Variants in SBK3 observed in about 807,000 individuals in gnomAD.
SBK3 encodes SH3 domain binding kinase family member 3.
A neutral mutation model predicts 12.7 loss-of-function variants in SBK3; 16 were observed. The observed-to-expected ratio is 1.26, with a 90% CI of 0.86 to 1.92. SBK3 has a LOEUF of 1.92. Among genes scored for constraint, SBK3 ranks in the 40% most tolerant of loss-of-function variants. SBK3 has a pLI of 0.00. For synonymous variants in SBK3, 217 were observed against 213.6 expected (o/e 1.02, Z -0.14); for missense variants, 462 against 481.8 (o/e 0.96, Z 0.38).
intron 3 of SBK3, 89 bp downstream of exon 3, chr19:55,544,011 T>G: frequency 8.7e-7 from 1 of 1,155,270 alleles, no homozygotes. Context: ...GGGCCCTGAT[T>G]TGGGGTCAGA....
At chr19:55,543,207 A>C (rs1599950032) in intron 3 of SBK3, among the ~76,000 whole-genome samples, 3 of 44,240 alleles carry the variant, frequency 6.8e-5, no homozygotes, top group Non-Finnish European at 1.3e-4. Context: ...CCATCCATCC[A>C]CCATCCATCC....
In SBK3 at chr19:55,541,488, C is replaced by T; in HGVS notation, c.438G>A (p.Gln146=). 8 of 1,526,894 alleles carry T rather than the reference C, an allele frequency of 5.2e-6. No homozygotes were observed. Among genetic ancestry groups the T allele is most frequent in the Non-Finnish European group, 6.1e-6 (7 of 1,140,348 alleles). The allele number at this position is 1,526,894 out of a possible 1,614,324, so 94.6% of individuals were successfully genotyped here. A position where few individuals can be genotyped will look rare whatever the true frequency, so the allele number is the denominator to read the frequency against. The stretch of plus-strand genomic sequence containing the variant: ...GGAGGAAGTCCAGAGCTCCTGCCAA[C>T]TGGGCCACCACCCGCTTCACCAGCA... The part of the protein sequence containing the change: ...PELLVKRVVA[Q]LAGALDFLHS... The change falls in exon 4 of 4, where the codon CAG becomes CAA. Residue 146 remains glutamine, a synonymous_variant. Coordinates refer to ENST00000612221, the MANE Select transcript of SBK3 (RefSeq NM_001199824.2). This position sits in a 1 kb window ranked among gnomAD's most constrained non-coding sequence, Gnocchi z 5.3.
In SBK3 at chr19:55,540,906, T is replaced by C; in HGVS notation, c.1020A>G (p.Thr340=). ...CACTTTTGCTGTCATCACCCTCATC[T>C]GTCCACTCCTCCAGGCTTGAGCCTC... ...EEGGSSLEEW[T]DEGDDSKSGG... The change falls in exon 4 of 4, where the codon ACA becomes ACG. Residue 340 remains threonine (T), a synonymous_variant. Coordinates refer to ENST00000612221, the MANE Select transcript of SBK3 (RefSeq NM_001199824.2). 9 of 1,536,220 alleles carry C rather than the reference T, an allele frequency of 5.9e-6. No individual in the cohort carries two copies. Among genetic ancestry groups the C allele is most frequent in the Non-Finnish European group, 7.8e-6 (9 of 1,146,912 alleles).
chr19:55,541,393 C>A lies in SBK3; in HGVS notation c.533G>T (p.Arg178Leu), dbSNP rs547235333. The change falls in exon 4 of 4, where the codon CGT (arginine) becomes CTT (leucine). Residue 178 changes from arginine to leucine, a missense_variant. Physicochemically the swap from Arg to Leu is moderately radical, Grantham distance 102 (BLOSUM62 -2). Transcript: ENST00000612221. This position sits in a 1 kb window ranked among gnomAD's most constrained non-coding sequence, Gnocchi z 5.3. ...CAGACCCAGGTCTCCCAGGGCCACACGGCTGCAGACCGGGTCGAAGACCAG... is the reference window on the plus strand; with the variant it reads ...CAGACCCAGGTCTCCCAGGGCCACAAGGCTGCAGACCGGGTCGAAGACCAG... ...NVLVFDPVCSRVALGDLGLTR... is the reference protein window; with the variant it reads ...NVLVFDPVCSLVALGDLGLTR... The A allele has an allele frequency of 1.4e-4, 218 of 1,535,810 alleles. 3 individuals carry two copies. The South Asian group carries it at 2.5e-3, about 18-fold the overall frequency.
Position 55,541,268 on chromosome 19 carries a change from G to T in SBK3, c.658C>A (p.Arg220=), listed in dbSNP as rs770378082. 2 of 1,535,892 alleles carry T rather than the reference G, an allele frequency of 1.3e-6. No homozygotes were observed. Among genetic ancestry groups the T allele is most frequent in the African/African-American group, 2.7e-5 (2 of 73,166 alleles). ...LLLPPDTLPL[R]PAVDSWGLGV... Reference sequence around the variant, plus strand: ...AGGCCCCAGGAGTCCACGGCTGGCCGCAGAGGCAGGGTGTCGGGCGGTAGC... The same window carrying T: ...AGGCCCCAGGAGTCCACGGCTGGCCTCAGAGGCAGGGTGTCGGGCGGTAGC... Residue 220 remains arginine, a synonymous_variant, in exon 4 of 4, where the codon CGG becomes AGG. Transcript: ENST00000612221. This position sits in a 1 kb window ranked among gnomAD's most constrained non-coding sequence, Gnocchi z 5.3.
chr19:55,545,506 T>A lies in SBK3; in HGVS notation c.38A>T (p.Asp13Val). The A allele has an allele frequency of 6.5e-7, 1 of 1,534,374 alleles. No individual in the cohort carries two copies. The highest frequency in any genetic ancestry group is 8.7e-7 in the Non-Finnish European group (1 of 1,145,914). Residue 13 changes from aspartate to valine, a missense_variant, in exon 1 of 4, where the codon GAC becomes GTC. Physicochemically the swap from Asp to Val is radical, Grantham distance 152. Transcript: ENST00000612221. The surrounding 1 kb of genome is among the most constrained non-coding windows in gnomAD (Gnocchi z 4.4). ...RRASETPEDGDPEEDTATALQ... is the reference protein window; with the variant it reads ...RRASETPEDGVPEEDTATALQ... Reference sequence around the variant, plus strand: ...CTGGCTCCCGTCTCTCACCTCTGGGTCCCCATCCTCAGGGGTCTCGGAGGC... The same window carrying A: ...CTGGCTCCCGTCTCTCACCTCTGGGACCCCATCCTCAGGGGTCTCGGAGGC...
chr19:55,544,753 TATTGTGGGGCA>T, intron 2 of SBK3, 35 bp downstream of exon 2: 2 of 1,440,672 alleles, frequency 1.4e-6, no homozygotes, highest in Non-Finnish European at 1.8e-6. Flanking sequence ...CGAGAATGCT[TATTGTGGGGCA>T]GTTGGGGAGG....
rs2123494802 is a variant in SBK3 at position 55,544,803 on chromosome 19, C to G, written c.192G>C (p.Gln64His). 6.6e-7 allele frequency: 1 copy of G among 1,507,436 alleles called. No homozygotes were observed. The highest frequency in any genetic ancestry group is 8.8e-7 in the Non-Finnish European group (1 of 1,133,252). The allele number at this position is 1,507,436 out of a possible 1,614,324, so 93.4% of individuals were successfully genotyped here. The change falls in exon 2 of 4, where the codon CAG becomes CAC. Residue 64 changes from glutamine to histidine, a missense_variant. By Grantham distance (24) the Gln-to-His change is conservative (BLOSUM62 0). Coordinates refer to ENST00000612221, the MANE Select transcript of SBK3 (RefSeq NM_001199824.2). ...CCCTTGGGTGGCTGAACTCACCCCCCTGGTGAGGCTGGGCAAGGAGCACGC... is the reference window on the plus strand; with the variant it reads ...CCCTTGGGTGGCTGAACTCACCCCCGTGGTGAGGCTGGGCAAGGAGCACGC... ...YGRVLLAQPH[Q>H]GGPAVALKLL...
In SBK3 at chr19:55,545,489, C is replaced by T. The variant is rs1335416163; in HGVS notation, c.45+10G>A. 4.6e-6 allele frequency: 7 copies of T among 1,530,846 alleles called. No homozygotes were observed. Among genetic ancestry groups the T allele is most frequent in the Admixed American group, 2.0e-5 (1 of 50,798 alleles). The allele number at this position is 1,530,846 out of a possible 1,614,324, so 94.8% of individuals were successfully genotyped here. ...CTCTCTGTCTTCCTCCCCTGGCTCCCGTCTCTCACCTCTGGGTCCCCATCC... is the reference window on the plus strand; with the variant it reads ...CTCTCTGTCTTCCTCCCCTGGCTCCTGTCTCTCACCTCTGGGTCCCCATCC... On this transcript the variant is annotated intron_variant, in intron 1 of 3. Transcript: ENST00000612221. This position sits in a 1 kb window ranked among gnomAD's most constrained non-coding sequence, Gnocchi z 4.4.
rs771943005 is a variant in SBK3 at position 55,544,869 on chromosome 19, C to A, written c.126G>T (p.Gln42His). The change falls in exon 2 of 4, where the codon CAG (glutamine) becomes CAT (histidine). Residue 42 changes from glutamine (Q) to histidine (H), a missense_variant. Gln to His is a conservative substitution (Grantham distance 24). Transcript: ENST00000612221. ...AGCCCAGCTTCCGGATGAGGTGGTACTGGTCCCGAAGGCTCCTCACCGGGG... is the reference window on the plus strand; with the variant it reads ...AGCCCAGCTTCCGGATGAGGTGGTAATGGTCCCGAAGGCTCCTCACCGGGG... ...RVTPVRSLRD[Q>H]YHLIRKLGSG... 6.5e-7 allele frequency: 1 copy of A among 1,534,338 alleles called. No individual in the cohort carries two copies.
Position 55,544,219 on chromosome 19 carries a change from C to T in SBK3, c.280G>A (p.Val94Ile), listed in dbSNP as rs905915518. 4.7e-5 allele frequency: 72 copies of T among 1,535,910 alleles called. No homozygotes were observed. Among genetic ancestry groups the T allele is most frequent in the Non-Finnish European group, 5.8e-5 (67 of 1,146,888 alleles). Residue 94 changes from valine (V) to isoleucine (I), a missense_variant, in exon 3 of 4, where the codon GTC (valine) becomes ATC (isoleucine). By Grantham distance (29) the Val-to-Ile change is conservative (BLOSUM62 3). Transcript: ENST00000612221. ...FLREFCVGRC[V>I]SAHPGLLQTL... The stretch of plus-strand genomic sequence containing the variant: ...TGCAGCAGGCCTGGGTGTGCAGAGA[C>T]GCAGCGGCCCACACAGAACTCCCTC...
Position 55,545,055 on chromosome 19 carries a change from CAG to C in SBK3, c.46-108_46-107del. The C allele has an allele frequency of 1.2e-6, 1 of 831,352 alleles. No individual in the cohort carries two copies. The highest frequency in any genetic ancestry group is 1.8e-6 in the Non-Finnish European group (1 of 547,256). 51.5% of individuals were successfully genotyped at this position (831,352 alleles called of 1,614,324 possible). The stretch of plus-strand genomic sequence containing the variant: ...CCAGGATGGAGGGTGGGGCAGGGGA[CAG>C]GGGTCACTGTCCCCAGAGAGGAGGA... On this transcript the variant is annotated intron_variant, in intron 1 of 3. Transcript: ENST00000612221. The surrounding 1 kb of genome is among the most constrained non-coding windows in gnomAD (Gnocchi z 4.4).
At position 55,545,201 on chromosome 19, in the gene SBK3, A is replaced by G. The variant is rs1301759235; in HGVS notation, c.46-252T>C. The G allele has an allele frequency of 8.6e-6, 5 of 580,872 alleles. No individual in the cohort carries two copies. The highest frequency in any genetic ancestry group is 2.1e-5 in the South Asian group (1 of 47,082). The allele number at this position is 580,872 out of a possible 1,614,324, so 36.0% of individuals were successfully genotyped here. A position where few individuals can be genotyped will look rare whatever the true frequency, so the allele number is the denominator to read the frequency against. On this transcript the variant is annotated intron_variant, in intron 1 of 3. Coordinates refer to ENST00000612221, the MANE Select transcript of SBK3 (RefSeq NM_001199824.2). This position sits in a 1 kb window ranked among gnomAD's most constrained non-coding sequence, Gnocchi z 4.4. Reference sequence around the variant, plus strand: ...CTGTGGGAGCAGGCCAGGAGCCCCCAGCCCCGAGTGGGGGTGCATCCTCAG... The same window carrying G: ...CTGTGGGAGCAGGCCAGGAGCCCCCGGCCCCGAGTGGGGGTGCATCCTCAG...
Position 55,545,409 on chromosome 19 carries a change from G to A in SBK3, c.45+90C>T. 2 of 1,101,038 alleles carry A rather than the reference G, an allele frequency of 1.8e-6. No homozygotes were observed. The highest frequency in any genetic ancestry group is 2.6e-6 in the Non-Finnish European group (2 of 764,284). The allele number at this position is 1,101,038 out of a possible 1,614,324, so 68.2% of individuals were successfully genotyped here. On this transcript the variant is annotated intron_variant, in intron 1 of 3. Coordinates refer to ENST00000612221, the MANE Select transcript of SBK3 (RefSeq NM_001199824.2). This position sits in a 1 kb window ranked among gnomAD's most constrained non-coding sequence, Gnocchi z 4.4. ...AGGTCTTTGCGTTTCCCTGTTTTCT[G>A]TTTCTCTTCCTCTCTCTCCCCGTGT... is the stretch of plus-strand genomic sequence containing the variant.
Position 55,540,878 on chromosome 19 carries a change from C to A in SBK3, c.1048G>T (p.Gly350Trp), listed in dbSNP as rs777838971. 1.3e-6 allele frequency: 2 copies of A among 1,536,132 alleles called. No homozygotes were observed. The highest frequency in any genetic ancestry group is 2.4e-5 in the South Asian group (2 of 84,060). ...GCTCCCCCATCTGTCCCCGTCCTCC[C>A]ACCACTTTTGCTGTCATCACCCTCA... ...TDEGDDSKSG[G>W]RTGTDGGAP The change falls in exon 4 of 4, where the codon GGG becomes TGG. Residue 350 changes from glycine to tryptophan, a missense_variant. By Grantham distance (184) the Gly-to-Trp change is radical. Transcript: ENST00000612221.
At position 55,541,373 on chromosome 19, in the gene SBK3, C is replaced by T. The variant is rs1988558166; in HGVS notation, c.553G>A (p.Gly185Ser). Residue 185 changes from glycine (G) to serine (S), a missense_variant, in exon 4 of 4, where the codon GGT becomes AGT. Gly to Ser is a moderately conservative substitution (Grantham distance 56). Transcript: ENST00000612221. The surrounding 1 kb of genome is among the most constrained non-coding windows in gnomAD (Gnocchi z 5.3). ...GGGCTGCCCTCTGGCCGGGTCAGAC[C>T]CAGGTCTCCCAGGGCCACACGGCTG... ...VCSRVALGDL[G>S]LTRPEGSPTP... 1.3e-6 allele frequency: 2 copies of T among 1,535,706 alleles called. No individual in the cohort carries two copies. The highest frequency in any genetic ancestry group is 4.9e-5 in the East Asian group (2 of 40,916).
chr19:55,545,239 C>A lies in SBK3; in HGVS notation c.45+260G>T, dbSNP rs1988649262. Reference sequence around the variant, plus strand: ...GGTGCATCCTCAGCCCACACAGTCCCCCTGCCCACCCTGGTCTCTCTCTCC... The same window carrying A: ...GGTGCATCCTCAGCCCACACAGTCCACCTGCCCACCCTGGTCTCTCTCTCC... On this transcript the variant is annotated intron_variant, in intron 1 of 3. Coordinates refer to ENST00000612221, the MANE Select transcript of SBK3 (RefSeq NM_001199824.2). The surrounding 1 kb of genome is among the most constrained non-coding windows in gnomAD (Gnocchi z 4.4). The A allele has an allele frequency of 3.4e-6, 2 of 583,436 alleles. No individual in the cohort carries two copies. The highest frequency in any genetic ancestry group is 6.1e-6 in the Non-Finnish European group (2 of 329,346). The allele number at this position is 583,436 out of a possible 1,614,324, so 36.1% of individuals were successfully genotyped here.
chr19:55,544,924 C>G lies in SBK3; in HGVS notation c.71G>C (p.Arg24Pro). ...CCTGCTGGTCGTCAGCTCCACCAGC[C>G]GTTGGAGGGCTGTGGCTGTGTCCTC... ...PEEDTATALQ[R>P]LVELTTSRVT... is the part of the protein sequence containing the mutation. The change falls in exon 2 of 4, where the codon CGG (arginine) becomes CCG (proline). Residue 24 changes from arginine (R) to proline (P), a missense_variant. By Grantham distance (103) the Arg-to-Pro change is moderately radical. Coordinates refer to ENST00000612221, the MANE Select transcript of SBK3 (RefSeq NM_001199824.2). 6.5e-7 allele frequency: 1 copy of G among 1,533,602 alleles called. No individual in the cohort carries two copies. Among genetic ancestry groups the G allele is most frequent in the African/African-American group, 1.4e-5 (1 of 73,028 alleles). The allele number at this position is 1,533,602 out of a possible 1,614,324, so 95.0% of individuals were successfully genotyped here.
At chr19:55,543,890 C>T (rs946519286) in intron 3 of SBK3, among the ~76,000 whole-genome samples, 6 of 151,922 alleles carry the variant, frequency 3.9e-5, no homozygotes, top group Non-Finnish European at 5.9e-5. Context: ...TGCCTTTCCA[C>T]GATTGTGTTT....
Sources: gnomAD v4.1 joint callset for allele counts (sites outside exome capture counted in the v4.1 genomes callset) on GRCh38, gnomAD v4.1.1 for gene constraint, Gnocchi (gnomAD v3.1) non-coding constraint, MANE v1.5 for transcripts, NCBI Gene and HGNC (gene_info 2026-07-23, HGNC 2026-07-21) for gene names.